Variants in CLTCL1 observed in about 807,000 individuals in gnomAD.
CLTCL1 encodes the protein clathrin heavy chain 2.
A neutral mutation model predicts 190.0 loss-of-function variants in CLTCL1; 159 were observed. That is an observed-to-expected ratio of 0.84 (90% CI 0.74 to 0.95). CLTCL1 has a LOEUF of 0.95. Ranked by LOEUF, CLTCL1 falls within the 40% of genes least tolerant of loss-of-function variation. The pLI, the probability that CLTCL1 is intolerant of heterozygous loss-of-function variation, is 0.00. For synonymous variants in CLTCL1, 752 were observed against 769.6 expected, an observed-to-expected ratio of 0.98 and a Z score of 0.38; for missense variants, 1,878 against 2,033.4, an observed-to-expected ratio of 0.92 and a Z score of 1.47.
chr22:19,270,553 C>G (rs2087277438), intron 2 of CLTCL1, among the ~76,000 whole-genome samples: 1 of 151,342 alleles, frequency 6.6e-6, no homozygotes, highest in Non-Finnish European at 1.5e-5. Flanking sequence ...TGGTGAAACC[C>G]CGTCTCTACT....
intron 17 of CLTCL1, among the ~76,000 whole-genome samples, chr22:19,221,147 G>A (rs2085554744): frequency 6.6e-6 from 1 of 152,240 alleles, no homozygotes; most frequent in African/African-American, 2.4e-5. Flanking sequence ...AGTAAGGACT[G>A]TAAGCAGAGG....
rs202063023 is a variant in CLTCL1, at chr22:19,233,385, C to G, written c.1368+37G>C. Reference sequence around the variant, plus strand: ...AGGGAGCCTGGACCAAGTTTTCAAGCTGTGCGGGGGGGCTACGAGCTCACA... The same window carrying G: ...AGGGAGCCTGGACCAAGTTTTCAAGGTGTGCGGGGGGGCTACGAGCTCACA... On this transcript the variant is annotated intron_variant, in intron 8 of 32. Coordinates refer to ENST00000427926, the MANE Select transcript of CLTCL1 (RefSeq NM_007098.4). 2.8e-5 allele frequency: 45 copies of G among 1,611,000 alleles called. No homozygotes were observed. In the Admixed American group the frequency reaches 5.5e-4, roughly 20 times the overall value.
At position 19,196,408 on chromosome 22, in the gene CLTCL1, C is replaced by T; in HGVS notation, c.4049G>A (p.Arg1350Lys). 1 of 1,614,032 alleles carries T rather than the reference C, an allele frequency of 6.2e-7. No homozygotes were observed. The highest frequency in any genetic ancestry group is 2.2e-5 in the East Asian group (1 of 44,872). ...WSRVNIPKVL[R>K]AAEQAHLWAE... ...CCACAGGTGTGCCTGCTCTGCAGCC[C>T]TCAGCACCTGGACAAGGAGGTCAGG... Residue 1350 changes from arginine (R) to lysine (K), a missense_variant, in exon 26 of 33, where the codon AGG (arginine) becomes AAG (lysine). Transcript: ENST00000427926.
At chr22:19,248,693 G>T (rs1555968872) in intron 3 of CLTCL1, among the ~76,000 whole-genome samples, 1 of 152,100 alleles carries the variant, frequency 6.6e-6, no homozygotes, top group Non-Finnish European at 1.5e-5. Flanking sequence ...CTTTCACTTA[G>T]CTTAATATTT....
chr22:19,286,762 G>T (rs2087922377), intron 1 of CLTCL1, among the ~76,000 whole-genome samples: 1 of 152,134 alleles, frequency 6.6e-6, no homozygotes, highest in Non-Finnish European at 1.5e-5. Context: ...GACTCACCTG[G>T]GAAGGAATAC....
At chr22:19,201,251 G>A (rs2084870602) in intron 23 of CLTCL1, 78 bp downstream of exon 23, 2 of 1,479,904 alleles carry the variant, frequency 1.4e-6, no homozygotes, top group Admixed American at 4.1e-5. Flanking sequence ...ACCCAGAAGA[G>A]TACCGAGCAG....
Position 19,232,468 on chromosome 22 carries a change from A to T in CLTCL1, c.1644+8T>A, listed in dbSNP as rs149073351. The T allele has an allele frequency of 1.6e-5, 26 of 1,613,924 alleles. No homozygotes were observed. The African/African-American group carries it at 3.5e-4, about 22-fold the overall frequency. ...CACAAAAAGTTGTCCAAAACTGCCT[A>T]CGCTCACCTGGCTAATGTTGGCCAG... is the stretch of plus-strand genomic sequence containing the variant. On this transcript the variant is annotated splice_region_variant and intron_variant, in intron 10 of 32. Transcript: ENST00000427926.
At chr22:19,265,120 T>G (rs931810691) in intron 2 of CLTCL1, among the ~76,000 whole-genome samples, 1 of 152,182 alleles carries the variant, frequency 6.6e-6, no homozygotes, top group African/African-American at 2.4e-5. Flanking sequence ...CCAAAACACA[T>G]GATCAGTAAG....
At chr22:19,253,050 C>T (rs2086646169) in intron 3 of CLTCL1, among the ~76,000 whole-genome samples, 1 of 149,250 alleles carries the variant, frequency 6.7e-6, no homozygotes, top group African/African-American at 2.5e-5. Flanking sequence ...CAAAAAGATA[C>T]TGCTTTCAGT....
At position 19,233,312 on chromosome 22, in the gene CLTCL1, A is replaced by G; in HGVS notation, c.1375T>C (p.Cys459Arg). The change falls in exon 9 of 33, where the codon TGC becomes CGC. Residue 459 changes from cysteine (C) to arginine (R), a missense_variant. Coordinates refer to ENST00000427926, the MANE Select transcript of CLTCL1 (RefSeq NM_007098.4). ...EKWLKEDKLE[C>R]SEELGDLVKT... ...ACCAAGTCTCCGAGCTCCTCTGAGC[A>G]CTCCAGCTGTGGTATGCCAAGGGAC... 6.2e-7 allele frequency: 1 copy of G among 1,611,544 alleles called. No individual in the cohort carries two copies. The highest frequency in any genetic ancestry group is 8.5e-7 in the Non-Finnish European group (1 of 1,177,886).
chr22:19,260,817 A>C (rs2086921786), intron 2 of CLTCL1, among the ~76,000 whole-genome samples: 1 of 150,632 alleles, frequency 6.6e-6, no homozygotes, highest in Non-Finnish European at 1.5e-5. Flanking sequence ...ATTATGCTAA[A>C]TCTCCTCTGC....
Position 19,253,986 on chromosome 22 carries a change from C to A in CLTCL1, c.492G>T (p.Trp164Cys). The change falls in exon 3 of 33, where the codon TGG becomes TGT. Residue 164 changes from tryptophan (W) to cysteine (C), a missense_variant. Coordinates refer to ENST00000427926, the MANE Select transcript of CLTCL1 (RefSeq NM_007098.4). ...GAGCCGAGATGCCTACGAGCAGCAG[C>A]CACTTCTGGTACTCATCAGTCCGGT... The part of the protein sequence containing the change: ...IHYRTDEYQK[W>C]LLLVGISAQQ... The A allele has an allele frequency of 1.2e-6, 2 of 1,613,058 alleles. No homozygotes were observed. The highest frequency in any genetic ancestry group is 1.7e-6 in the Non-Finnish European group (2 of 1,179,364).
chr22:19,261,176 A>C (rs2086938659), intron 2 of CLTCL1, among the ~76,000 whole-genome samples: 1 of 151,192 alleles, frequency 6.6e-6, no homozygotes, highest in Non-Finnish European at 1.5e-5. Context: ...GCAGTGGCGT[A>C]ATCTTGGCTC....
chr22:19,193,562 C>T (rs1436811475), intron 26 of CLTCL1, among the ~76,000 whole-genome samples: 2 of 152,240 alleles, frequency 1.3e-5, no homozygotes, highest in Non-Finnish European at 2.9e-5. Context: ...ATGGTAGTAT[C>T]CCTGTTTTAT....
intron 1 of CLTCL1, among the ~76,000 whole-genome samples, chr22:19,284,043 T>C (rs1422571319): frequency 6.6e-6 from 1 of 151,554 alleles, no homozygotes; most frequent in African/African-American, 2.4e-5. Context: ...AAAAAGAAAT[T>C]ACTCATCTGA....
chr22:19,207,718 C>T (rs1031375659), intron 22 of CLTCL1: 1 of 477,028 alleles, frequency 2.1e-6, no homozygotes, highest in Admixed American at 3.7e-5. Context: ...TGCCTGAGCT[C>T]CGCCTCCTGT....
At chr22:19,217,615 C>CAAAA (rs71184793) in intron 18 of CLTCL1, among the ~76,000 whole-genome samples, 19 of 34,740 alleles carry the variant, frequency 5.5e-4, no homozygotes, top group Admixed American at 9.2e-4. Context: ...GACTCTGTCT[C>CAAAA]AAAAAAAAAA....
At chr22:19,253,000 T>C (rs1467331211) in intron 3 of CLTCL1, among the ~76,000 whole-genome samples, 18 of 110,278 alleles carry the variant, frequency 1.6e-4, no homozygotes, top group African/African-American at 2.2e-4. Context: ...GGTGACAGAG[T>C]AAGACTCCGT....
chr22:19,188,556 G>A (rs2146224978), intron 27 of CLTCL1, among the ~76,000 whole-genome samples: 1 of 152,016 alleles, frequency 6.6e-6, no homozygotes, highest in African/African-American at 2.4e-5. Context: ...GTTGATGGCT[G>A]CTGATTCATA....
Sources: allele counts gnomAD v4.1 joint callset (sites outside exome capture counted in the v4.1 genomes callset), GRCh38; gene constraint gnomAD v4.1.1; transcripts MANE v1.5; gene names NCBI Gene and HGNC (gene_info 2026-07-23, HGNC 2026-07-21).